The following TOR1AIP2 variants were observed in gnomAD, a reference collection of about 807,000 sequenced individuals.
TOR1AIP2 encodes torsin-1A-interacting protein 2.
TOR1AIP2 carries 20 observed loss-of-function variants against 32.6 expected under a neutral mutation model. The observed-to-expected ratio is 0.61, with a 90% CI of 0.43 to 0.89. The LOEUF is 0.89. TOR1AIP2 is among the 40% of genes least tolerant of loss of function. The pLI, the probability that TOR1AIP2 is intolerant of heterozygous loss-of-function variation, is 0.00. For synonymous variants in TOR1AIP2, 214 were observed against 210.8 expected, an observed-to-expected ratio of 1.02 and a Z score of -0.13; for missense variants, 456 against 553.8, an observed-to-expected ratio of 0.82 and a Z score of 1.77.
intron 3 of TOR1AIP2, among the ~76,000 whole-genome samples, chr1:179,856,971 G>A (rs1696325807): frequency 6.6e-6 from 1 of 152,216 alleles, no homozygotes; most frequent in South Asian, 2.1e-4. Context: ...TGTTCATTAG[G>A]AACCTCTGGA....
chr1:179,858,337 A>G (rs922189146), intron 3 of TOR1AIP2, among the ~76,000 whole-genome samples: 2 of 152,046 alleles, frequency 1.3e-5, no homozygotes, highest in Non-Finnish European at 2.9e-5. Flanking sequence ...ACAAAACATA[A>G]ATACATAAAT....
chr1:179,860,448 C>T, intron 3 of TOR1AIP2: 1 of 984,902 alleles, frequency 1.0e-6, no homozygotes, highest in Non-Finnish European at 1.2e-6. Flanking sequence ...CGCCACTGCA[C>T]TCCAGCCTAG....
intron 2 of TOR1AIP2, among the ~76,000 whole-genome samples, 195 bp downstream of exon 2, chr1:179,877,044 C>A (rs1416545494): frequency 6.6e-6 from 1 of 151,580 alleles, no homozygotes; most frequent in Non-Finnish European, 1.5e-5. Flanking sequence ...ATGTCGAGAA[C>A]CTAGGCATGT....
At chr1:179,864,061 A>G in intron 3 of TOR1AIP2, 1 of 985,452 alleles carries the variant, frequency 1.0e-6, no homozygotes, top group Non-Finnish European at 1.2e-6. Context: ...CAGTCACCAC[A>G]AAGACAAGAC....
chr1:179,851,249 C>G lies in TOR1AIP2; in HGVS notation c.149G>C (p.Ser50Thr). The G allele has an allele frequency of 1.2e-6, 2 of 1,612,874 alleles. No homozygotes were observed. Among genetic ancestry groups the G allele is most frequent in the Non-Finnish European group, 1.7e-6 (2 of 1,180,016 alleles). ...TGTCTCTACCTCTTGGTGGTCTTTGCTAAGACCACAGGCAGAGTGTAGGAT... is the reference window on the plus strand; with the variant it reads ...TGTCTCTACCTCTTGGTGGTCTTTGGTAAGACCACAGGCAGAGTGTAGGAT... ...AEILHSACGL[S>T]KDHQEVETEG... The change falls in exon 5 of 7, where the codon AGC becomes ACC. Residue 50 changes from serine to threonine, a missense_variant. Ser to Thr is a moderately conservative substitution (Grantham distance 58, BLOSUM62 1). Transcript: ENST00000609928.
At chr1:179,864,182 C>A in intron 3 of TOR1AIP2, 2 of 985,400 alleles carry the variant, frequency 2.0e-6, no homozygotes, top group Non-Finnish European at 2.4e-6. Context: ...CTGACAGTGA[C>A]CAGTTATCAA....
rs759817666 is a variant in TOR1AIP2 at position 179,846,759 on chromosome 1, G to T, written c.725C>A (p.Pro242Gln). The T allele has an allele frequency of 1.1e-5, 18 of 1,613,808 alleles. No individual in the cohort carries two copies. The Admixed American group carries it at 2.3e-4, about 21-fold the overall frequency. Residue 242 changes from proline to glutamine, a missense_variant, in exon 7 of 7, where the codon CCA becomes CAA. Transcript: ENST00000609928. ...TGGATTTTTGGGCACTTGCTGGGCTGGAGAGGAATAGTAGCTATTCACAGA... is the reference window on the plus strand; with the variant it reads ...TGGATTTTTGGGCACTTGCTGGGCTTGAGAGGAATAGTAGCTATTCACAGA... ...ASSVNSYYSS[P>Q]AQQVPKNPAL...
At chr1:179,851,912 AT>A (rs1696128788) in intron 4 of TOR1AIP2, among the ~76,000 whole-genome samples, 1 of 152,246 alleles carries the variant, frequency 6.6e-6, no homozygotes, top group Non-Finnish European at 1.5e-5. Flanking sequence ...ACAGGAATAC[AT>A]TAAATTATGC....
In TOR1AIP2 at chr1:179,850,841, T is replaced by C. The variant is rs768712464; in HGVS notation, c.553+4A>G. On this transcript the variant is annotated splice_donor_region_variant and intron_variant, in intron 5 of 6. Transcript: ENST00000609928. ...CAGGAGAGTAGTTCAGGGGGTTCTC[T>C]TACCTGGGGCCAGCAGTCGCCTCCT... The C allele has an allele frequency of 5.6e-6, 9 of 1,611,718 alleles. No homozygotes were observed. Among genetic ancestry groups the C allele is most frequent in the Non-Finnish European group, 6.8e-6 (8 of 1,178,488 alleles).
At position 179,846,818 on chromosome 1, in the gene TOR1AIP2, A is replaced by C; in HGVS notation, c.666T>G (p.Ile222Met). The stretch of plus-strand genomic sequence containing the variant: ...CAACAGCCACAACCAGGACGACAAG[A>C]ATCACAGGGCCTGTCAAAAGAATGA... ...KKGFWSYGPV[I>M]LVVLVVAVVA... Residue 222 changes from isoleucine (I) to methionine (M), a missense_variant, in exon 7 of 7, where the codon ATT (isoleucine) becomes ATG (methionine). Ile to Met is a conservative substitution (Grantham distance 10, BLOSUM62 1). Coordinates refer to ENST00000609928, the MANE Select transcript of TOR1AIP2 (RefSeq NM_001199260.2). 1 of 1,598,940 alleles carries C rather than the reference A, an allele frequency of 6.3e-7. No individual in the cohort carries two copies. Among genetic ancestry groups the C allele is most frequent in the Non-Finnish European group, 8.5e-7 (1 of 1,170,342 alleles).
At position 179,847,610 on chromosome 1, in the gene TOR1AIP2, G is replaced by A. The variant is rs1187246510; in HGVS notation, c.580C>T (p.Gln194Ter). ...TTCTCTTTAATTTCTTCCAATTTTT[G>A]TGTTTGTTGTGGATGACTTCCAGCC... ...PEAGSHPQQT[Q>*]KLEEIKENAQ... Residue 194 changes from glutamine (Q) to a stop codon, truncating the protein, a stop_gained, in exon 6 of 7, where the codon CAA (glutamine) becomes TAA (stop). Transcript: ENST00000609928. LOFTEE classifies it high-confidence loss of function. 3.7e-6 allele frequency: 6 copies of A among 1,613,644 alleles called. No individual in the cohort carries two copies. The African/African-American group carries it at 8.0e-5, about 22-fold the overall frequency.
At chr1:179,863,968 T>C (rs1402635478) in intron 3 of TOR1AIP2, 5 of 985,422 alleles carry the variant, frequency 5.1e-6, no homozygotes, top group Non-Finnish European at 6.0e-6. Context: ...TCATAATATA[T>C]ATGAAGTCAG....
Position 179,852,758 on chromosome 1 carries a change from C to T in TOR1AIP2, c.-93G>A. 1.3e-6 allele frequency: 2 copies of T among 1,596,632 alleles called. No individual in the cohort carries two copies. Among genetic ancestry groups the T allele is most frequent in the Non-Finnish European group, 1.7e-6 (2 of 1,170,506 alleles). The stretch of plus-strand genomic sequence containing the variant: ...GTCTTGTTTTCTTCTTGTCCCAAGT[C>T]CCAACAGACTCATGCTTCCCATGGA... On this transcript the variant is annotated 5_prime_UTR_variant, in exon 4 of 7. Transcript: ENST00000609928.
rs1695696685 is a variant in TOR1AIP2 at position 179,840,848 on chromosome 1, A to G, written c.*5223T>C. 6.6e-6 allele frequency: 1 copy of G among 151,020 alleles called. No individual in the cohort carries two copies. Among genetic ancestry groups the G allele is most frequent in the Non-Finnish European group, 1.5e-5 (1 of 67,930 alleles). 9.4% of individuals were successfully genotyped at this position (151,020 alleles called of 1,614,324 possible). On this transcript the variant is annotated 3_prime_UTR_variant, in exon 7 of 7. Transcript: ENST00000609928. ...CCATGGCACGTGTATACCTATGTTA[A>G]CAAACCTGCATGTTCTCCACATGTA...
intron 3 of TOR1AIP2, chr1:179,861,457 T>TAAC (rs1696526635): frequency 1.0e-6 from 1 of 983,426 alleles, no homozygotes; most frequent in African/African-American, 1.8e-5. Flanking sequence ...GCTTATCATA[T>TAAC]AACAGGTATG....
chr1:179,862,213 C>T, intron 3 of TOR1AIP2: 1 of 982,896 alleles, frequency 1.0e-6, no homozygotes. Flanking sequence ...AACCTTTTCT[C>T]TATTTTGCTG....
chr1:179,850,763 G>C, intron 5 of TOR1AIP2, 82 bp downstream of exon 5: 2 of 1,497,222 alleles, frequency 1.3e-6, no homozygotes, highest in Non-Finnish European at 1.8e-6. Flanking sequence ...AAGTTCTCTG[G>C]AAAGAAGGCC....
In TOR1AIP2 at chr1:179,846,342, T is replaced by A; in HGVS notation, c.1142A>T (p.Tyr381Phe). 6.2e-7 allele frequency: 1 copy of A among 1,614,206 alleles called. No homozygotes were observed. The highest frequency in any genetic ancestry group is 8.5e-7 in the Non-Finnish European group (1 of 1,180,028). ...PAGSTLIFYK[Y>F]CDHENAAFKD... ...AAAGGCAGCATTCTCATGATCACAATACTTATAGAAGATCAAAGTGGAGCC... is the reference window on the plus strand; with the variant it reads ...AAAGGCAGCATTCTCATGATCACAAAACTTATAGAAGATCAAAGTGGAGCC... Residue 381 changes from tyrosine (Y) to phenylalanine (F), a missense_variant, in exon 7 of 7, where the codon TAT becomes TTT. Physicochemically the swap from Tyr to Phe is conservative, Grantham distance 22 (BLOSUM62 3). Transcript: ENST00000609928.
rs568756687 is a variant in TOR1AIP2 at position 179,850,993 on chromosome 1, G to A, written c.405C>T (p.Ser135=). The change falls in exon 5 of 7, where the codon AGC becomes AGT. Residue 135 remains serine, a synonymous_variant. Transcript: ENST00000609928. ...TCGCTTCCTTAGGGAGGGCCACAGA[G>A]CTGCTCCCTAAGTGTGCATCTGCTC... ...VGRADAHLGS[S]SVALPKEASD... is the part of the protein sequence containing the mutation. The A allele has an allele frequency of 1.2e-6, 2 of 1,614,170 alleles. No homozygotes were observed. The highest frequency in any genetic ancestry group is 4.5e-5 in the East Asian group (2 of 44,884).
Sources: gnomAD v4.1 joint callset for allele counts (sites outside exome capture counted in the v4.1 genomes callset) on GRCh38, gnomAD v4.1.1 for gene constraint, MANE v1.5 for transcripts, NCBI Gene and HGNC (gene_info 2026-07-23, HGNC 2026-07-21) for gene names.